The following SCAF8 variants were observed in gnomAD, a reference collection of about 807,000 sequenced individuals.
SCAF8 encodes the protein SR-related CTD associated factor 8.
SCAF8 carries 23 observed loss-of-function variants against 140.5 expected under a neutral mutation model. The ratio of observed to expected loss-of-function variants is 0.16; its 90% CI spans 0.12 to 0.23. The LOEUF is 0.23. SCAF8 is among the 10% of genes least tolerant of loss of function. The probability of loss-of-function intolerance (pLI) is 1.00; values close to 1 mark genes in which losing one functional copy is unlikely to be tolerated. For missense variants in SCAF8, 1,397 were observed against 1,555.7 expected, an observed-to-expected ratio of 0.90 and a Z score of 1.72; for synonymous variants, 575 against 528.9, an observed-to-expected ratio of 1.09 and a Z score of -1.20.
chr6:154,763,053 G>A (rs565622849), intron 1 of SCAF8, among the ~76,000 whole-genome samples: 3 of 152,136 alleles, frequency 2.0e-5, no homozygotes, highest in South Asian at 2.1e-4. Context: ...GTATTTTCTT[G>A]TGTGTATTAT....
intron 17 of SCAF8, 79 bp downstream of exon 17, chr6:154,824,457 T>C (rs1184149229): frequency 1.5e-6 from 2 of 1,317,248 alleles, no homozygotes; most frequent in African/African-American, 1.5e-5. Flanking sequence ...TTAAGTACCA[T>C]AGAGCAGTGG....
chr6:154,784,136 T>G (rs1424239529), intron 3 of SCAF8, among the ~76,000 whole-genome samples: 5 of 83,000 alleles, frequency 6.0e-5, no homozygotes, highest in African/African-American at 3.0e-4. Context: ...TATATATATA[T>G]ATATATATAT....
intron 13 of SCAF8, among the ~76,000 whole-genome samples, 162 bp from the exon 14 acceptor site, chr6:154,818,317 A>G (rs1446875868): frequency 2.6e-5 from 4 of 152,188 alleles, no homozygotes; most frequent in Non-Finnish European, 5.9e-5. Context: ...CATGAATTGT[A>G]CCTACTAATA....
intron 1 of SCAF8, among the ~76,000 whole-genome samples, chr6:154,742,386 A>G (rs1161693124): frequency 6.6e-6 from 1 of 152,210 alleles, no homozygotes; most frequent in Non-Finnish European, 1.5e-5. Context: ...TCTTTGAACT[A>G]TAAGATGACA....
At chr6:154,756,802 G>T (rs886152135) in intron 1 of SCAF8, among the ~76,000 whole-genome samples, 1 of 152,094 alleles carries the variant, frequency 6.6e-6, no homozygotes, top group Non-Finnish European at 1.5e-5. Context: ...GGAGGAGGGC[G>T]GATCGCTTGA....
At chr6:154,746,699 T>C (rs146792423) in intron 1 of SCAF8, among the ~76,000 whole-genome samples, 300 of 152,322 alleles carry the variant, frequency 2.0e-3, no homozygotes, top group African/African-American at 6.7e-3. Flanking sequence ...TCATTTTTTG[T>C]TTTTGTCTAA....
chr6:154,803,901 T>C (rs1164785355), intron 8 of SCAF8, among the ~76,000 whole-genome samples: 1 of 152,202 alleles, frequency 6.6e-6, no homozygotes, highest in Non-Finnish European at 1.5e-5. Context: ...CTTTAAGTTA[T>C]TTAACTTAAT....
intron 1 of SCAF8, among the ~76,000 whole-genome samples, chr6:154,743,446 G>T (rs1049899376): frequency 1.3e-5 from 2 of 152,282 alleles, no homozygotes; most frequent in African/African-American, 4.8e-5. Flanking sequence ...CTTAAGTGGA[G>T]ACCAAACCTT....
chr6:154,788,916 G>A (rs1777330420), intron 4 of SCAF8, among the ~76,000 whole-genome samples: 1 of 152,084 alleles, frequency 6.6e-6, no homozygotes, highest in Non-Finnish European at 1.5e-5. Flanking sequence ...TTGCAGTGTT[G>A]ATTTAAGTAT....
chr6:154,771,860 A>G (rs1261686720), intron 1 of SCAF8, among the ~76,000 whole-genome samples: 1 of 152,048 alleles, frequency 6.6e-6, no homozygotes, highest in Non-Finnish European at 1.5e-5. Context: ...CTGCACATGT[A>G]CCCCCGAATT....
intron 12 of SCAF8, among the ~76,000 whole-genome samples, chr6:154,811,964 ATCTTTGCTACTGT>A (rs1778104868): frequency 6.6e-6 from 1 of 152,038 alleles, no homozygotes; most frequent in South Asian, 2.1e-4. Context: ...TTGGTTCCAA[ATCTTTGCTACTGT>A]GAGTAGTGCC....
chr6:154,828,064 T>G (rs1375752343), intron 18 of SCAF8, among the ~76,000 whole-genome samples: 1 of 152,182 alleles, frequency 6.6e-6, no homozygotes, highest in Non-Finnish European at 1.5e-5. Context: ...TCACTCTTGG[T>G]GTTTTGTTCC....
At chr6:154,753,902 A>G (rs2114812218) in intron 1 of SCAF8, among the ~76,000 whole-genome samples, 1 of 152,268 alleles carries the variant, frequency 6.6e-6, no homozygotes, top group Admixed American at 6.5e-5. Flanking sequence ...CAGTGGCATG[A>G]TCATAGCTCA....
intron 6 of SCAF8, among the ~76,000 whole-genome samples, chr6:154,797,588 G>T (rs1777643486): frequency 6.6e-6 from 1 of 151,140 alleles, no homozygotes; most frequent in African/African-American, 2.4e-5. Flanking sequence ...TAGAGACAGG[G>T]TTTCACCGTG....
chr6:154,829,510 T>C (rs2114694351), intron 18 of SCAF8, among the ~76,000 whole-genome samples: 1 of 152,328 alleles, frequency 6.6e-6, no homozygotes, highest in Non-Finnish European at 1.5e-5. Flanking sequence ...CCTCAAAAAT[T>C]AGACCTGAAG....
At chr6:154,784,786 A>G (rs1297078172) in intron 3 of SCAF8, among the ~76,000 whole-genome samples, 1 of 152,230 alleles carries the variant, frequency 6.6e-6, no homozygotes, top group Non-Finnish European at 1.5e-5. Context: ...CGAATCCCCC[A>G]AGGCTACTGA....
At chr6:154,763,344 G>C (rs973258670) in intron 1 of SCAF8, among the ~76,000 whole-genome samples, 1 of 152,154 alleles carries the variant, frequency 6.6e-6, no homozygotes, top group African/African-American at 2.4e-5. Context: ...AGATTTGGGG[G>C]ATTCTAATCA....
At chr6:154,831,294 A>G (rs1778724874) in intron 19 of SCAF8, among the ~76,000 whole-genome samples, 154 bp downstream of exon 19, 1 of 152,082 alleles carries the variant, frequency 6.6e-6, no homozygotes, top group African/African-American at 2.4e-5. Flanking sequence ...TAAAATTTCT[A>G]TTTGAAAAAG....
chr6:154,811,743 G>GT (rs1248447781), intron 12 of SCAF8, among the ~76,000 whole-genome samples: 1 of 142,408 alleles, frequency 7.0e-6, no homozygotes, highest in African/African-American at 2.6e-5. Context: ...CTGTGTCCAA[G>GT]TGTTCTCATT....
Sources: allele counts gnomAD v4.1 joint callset (sites outside exome capture counted in the v4.1 genomes callset), GRCh38; gene constraint gnomAD v4.1.1; transcripts MANE v1.5; gene names NCBI Gene and HGNC (gene_info 2026-07-23, HGNC 2026-07-21).